Variants in GALNT2 observed in about 807,000 individuals in gnomAD.
GALNT2 encodes the protein UDP-GalNAc:polypeptide N-acetylgalactosaminyltransferase 2.
A neutral mutation model predicts 81.4 loss-of-function variants in GALNT2; 31 were observed. That is an observed-to-expected ratio of 0.38 (90% CI 0.29 to 0.51). The LOEUF is 0.51. Among genes scored for constraint, GALNT2 ranks in the 20% least tolerant of loss-of-function variants. GALNT2 has a pLI of 0.87. For synonymous variants in GALNT2, 303 were observed against 287.4 expected (o/e 1.05, Z -0.55); for missense variants, 629 against 765.7 (o/e 0.82, Z 2.11).
intron 1 of GALNT2, among the ~76,000 whole-genome samples, chr1:230,091,316 C>T (rs992981139): frequency 2.0e-5 from 3 of 151,870 alleles, no homozygotes; most frequent in African/African-American, 4.8e-5. Flanking sequence ...CCTTGTGATA[C>T]GGCCACCTTG....
At position 230,271,791 on chromosome 1, in the gene GALNT2, C is replaced by T. The variant is rs1666167616; in HGVS notation, c.1441-2654C>T. 6.6e-6 allele frequency among the ~76,000 whole-genome samples: 1 copy of T among 152,244 alleles called. No individual in the cohort carries two copies. The highest frequency in any genetic ancestry group is 2.4e-5 in the African/African-American group (1 of 41,462). Reference sequence around the variant, plus strand: ...TCCAGGTGTGCCGCTCTCCCAGCGCCTCCGCATGTCCGGCAGCCACATCCC... The same window carrying T: ...TCCAGGTGTGCCGCTCTCCCAGCGCTTCCGCATGTCCGGCAGCCACATCCC... On this transcript the variant is annotated intron_variant, in intron 14 of 15. Transcript: ENST00000366672. This position sits in a 1 kb window ranked among gnomAD's most constrained non-coding sequence, Gnocchi z 4.2.
intron 1 of GALNT2, among the ~76,000 whole-genome samples, chr1:230,100,293 A>C (rs1660363102): frequency 6.8e-6 from 1 of 147,848 alleles, no homozygotes; most frequent in South Asian, 2.1e-4. Context: ...GGGGATGCCC[A>C]GGGTATCTTT....
chr1:230,159,762 ACCTC>A (rs1313781893), intron 1 of GALNT2, among the ~76,000 whole-genome samples: 1 of 151,774 alleles, frequency 6.6e-6, no homozygotes, highest in Non-Finnish European at 1.5e-5. Context: ...TACCTTGTCT[ACCTC>A]CCCCCACCTG....
intron 1 of GALNT2, among the ~76,000 whole-genome samples, chr1:230,081,259 G>A (rs1349156725): frequency 6.6e-6 from 1 of 152,146 alleles, no homozygotes; most frequent in Non-Finnish European, 1.5e-5. Context: ...GCTGGTGTGA[G>A]GACCGAGTGG....
rs569311352 is a variant in GALNT2, at chr1:230,103,591, C to T, written c.126+36185C>T. Among the ~76,000 whole-genome samples the T allele has an allele frequency of 5.3e-5, 8 of 152,184 alleles. No homozygotes were observed. The East Asian group carries it at 5.8e-4, about 11-fold the overall frequency. On this transcript the variant is annotated intron_variant, in intron 1 of 15. Coordinates refer to ENST00000366672, the MANE Select transcript of GALNT2 (RefSeq NM_004481.5). Reference sequence around the variant, plus strand: ...AGGCAGTCTGTGTCTGTGGGGCTCACCAGGGCATGAGTTCTGCTCCCAGGA... The same window carrying T: ...AGGCAGTCTGTGTCTGTGGGGCTCATCAGGGCATGAGTTCTGCTCCCAGGA...
intron 2 of GALNT2, among the ~76,000 whole-genome samples, chr1:230,187,684 A>C (rs1663379228): frequency 6.6e-6 from 1 of 152,162 alleles, no homozygotes; most frequent in Non-Finnish European, 1.5e-5. Flanking sequence ...TTGTGCAAAC[A>C]AATTGAAGGA....
chr1:230,131,701 A>G (rs1238373619), intron 1 of GALNT2, among the ~76,000 whole-genome samples: 3 of 152,180 alleles, frequency 2.0e-5, no homozygotes, highest in Non-Finnish European at 2.9e-5. Flanking sequence ...CCCTGGAGAG[A>G]TAAGGCAGGG....
chr1:230,115,728 T>C (rs1180355190), intron 1 of GALNT2, among the ~76,000 whole-genome samples: 1 of 152,242 alleles, frequency 6.6e-6, no homozygotes, highest in African/African-American at 2.4e-5. Context: ...CTTTGTAGCA[T>C]GCGTTGCTGT....
At chr1:230,180,352 C>T (rs1400063367) in intron 2 of GALNT2, among the ~76,000 whole-genome samples, 1 of 112,450 alleles carries the variant, frequency 8.9e-6, no homozygotes, top group Non-Finnish European at 1.6e-5. Context: ...CTTCCAGAAA[C>T]ATTTGCTGAA....
At chr1:230,110,937 C>T (rs910641028) in intron 1 of GALNT2, among the ~76,000 whole-genome samples, 1 of 152,108 alleles carries the variant, frequency 6.6e-6, no homozygotes, top group African/African-American at 2.4e-5. Context: ...TACAAGCCAC[C>T]ATTGCCAGGC....
At chr1:230,129,571 C>T (rs1282294679) in intron 1 of GALNT2, among the ~76,000 whole-genome samples, 1 of 152,162 alleles carries the variant, frequency 6.6e-6, no homozygotes, top group Non-Finnish European at 1.5e-5. Flanking sequence ...CTTCCCCTCT[C>T]GGCCTACCAA....
chr1:230,130,044 G>A (rs1661317930), intron 1 of GALNT2, among the ~76,000 whole-genome samples: 1 of 152,338 alleles, frequency 6.6e-6, no homozygotes, highest in African/African-American at 2.4e-5. Flanking sequence ...TGTAGAACGT[G>A]GAGCCCAAGT....
chr1:230,198,742 C>G (rs887771062), intron 2 of GALNT2, among the ~76,000 whole-genome samples: 1 of 152,186 alleles, frequency 6.6e-6, no homozygotes, highest in African/African-American at 2.4e-5. Context: ...TCAGGGGTTT[C>G]AAGGCTGGTA....
chr1:230,142,816 G>A (rs1197603570), intron 1 of GALNT2, among the ~76,000 whole-genome samples: 1 of 152,118 alleles, frequency 6.6e-6, no homozygotes, highest in East Asian at 1.9e-4. Flanking sequence ...TGGGAAGGCT[G>A]GGTTTTTCTG....
intron 2 of GALNT2, among the ~76,000 whole-genome samples, chr1:230,180,011 C>A (rs2102687257): frequency 6.6e-6 from 1 of 152,298 alleles, no homozygotes; most frequent in East Asian, 1.9e-4. Context: ...CCTCCACCTC[C>A]CAGGTTCAAG....
At chr1:230,251,016 C>T (rs772356572) in intron 10 of GALNT2, among the ~76,000 whole-genome samples, 7 of 152,124 alleles carry the variant, frequency 4.6e-5, no homozygotes, top group African/African-American at 1.4e-4. Context: ...ACTACCTTTG[C>T]GAATGGTTCT....
intron 1 of GALNT2, among the ~76,000 whole-genome samples, chr1:230,163,309 T>A (rs917414101): frequency 6.6e-6 from 1 of 152,244 alleles, no homozygotes; most frequent in Non-Finnish European, 1.5e-5. Context: ...TGGCCACTCC[T>A]GAATTCCATG....
intron 1 of GALNT2, among the ~76,000 whole-genome samples, chr1:230,172,546 C>T (rs1662827903): frequency 6.6e-6 from 1 of 152,168 alleles, no homozygotes; most frequent in South Asian, 2.1e-4. Context: ...TTTTGCCAAT[C>T]CTCTGGGAAA....
intron 1 of GALNT2, among the ~76,000 whole-genome samples, chr1:230,145,509 G>A (rs1317413017): frequency 6.6e-6 from 1 of 152,240 alleles, no homozygotes; most frequent in African/African-American, 2.4e-5. Flanking sequence ...AGGGATGGTT[G>A]TAATAAATAC....
Sources: gnomAD v4.1 joint callset for allele counts (sites outside exome capture counted in the v4.1 genomes callset) on GRCh38, gnomAD v4.1.1 for gene constraint, Gnocchi (gnomAD v3.1) non-coding constraint, MANE v1.5 for transcripts, NCBI Gene and HGNC (gene_info 2026-07-23, HGNC 2026-07-21) for gene names.